CLIC5: variants seen among roughly 807,000 people sequenced by gnomAD.
The protein encoded by CLIC5 is CLIC family member 5.
A neutral mutation model predicts 24.7 loss-of-function variants in CLIC5; 20 were observed. The observed-to-expected ratio is 0.81, with a 90% CI of 0.57 to 1.18. The LOEUF is 1.18. Among genes scored for constraint, CLIC5 ranks in the 50% most tolerant of loss-of-function variants. CLIC5 has a pLI of 0.00. For missense variants in CLIC5, 341 were observed against 326.1 expected (o/e 1.05, Z -0.35); for synonymous variants, 159 against 135.6 (o/e 1.17, Z -1.20).
At chr6:45,954,683 G>A (rs1007177375) in intron 2 of CLIC5, among the ~76,000 whole-genome samples, 11 of 152,146 alleles carry the variant, frequency 7.2e-5, no homozygotes, top group African/African-American at 2.4e-4. Flanking sequence ...CTGTAATCTA[G>A]AACTGTCACA....
the CLIC5 span, among the ~76,000 whole-genome samples, chr6:46,126,916 T>C: frequency 1.2e-4 from 19 of 152,326 alleles, no homozygotes; most frequent in African/African-American, 4.3e-4. Context: ...AATAATTGTA[T>C]AGAGAGCTAT....
At chr6:45,959,314 A>C (rs999809962) in intron 1 of CLIC5, among the ~76,000 whole-genome samples, 20 of 152,248 alleles carry the variant, frequency 1.3e-4, no homozygotes, top group African/African-American at 4.8e-4. Flanking sequence ...GCTGAAAAAC[A>C]TTTAAATATT....
chr6:45,954,077 C>A (rs1470327096), intron 2 of CLIC5, among the ~76,000 whole-genome samples: 1 of 151,778 alleles, frequency 6.6e-6, no homozygotes, highest in Non-Finnish European at 1.5e-5. Context: ...AGTTCAAGAC[C>A]AGCCTGGCCA....
At chr6:46,047,716 C>T (rs750775729) in intron 1 of CLIC5, among the ~76,000 whole-genome samples, 41 of 152,126 alleles carry the variant, frequency 2.7e-4, no homozygotes, top group Non-Finnish European at 4.9e-4. Flanking sequence ...ACTATTAATA[C>T]TAAAAGTCAA....
At chr6:46,056,920 C>A (rs193071435) in intron 1 of CLIC5, among the ~76,000 whole-genome samples, 2 of 152,300 alleles carry the variant, frequency 1.3e-5, no homozygotes, top group East Asian at 3.9e-4. Flanking sequence ...TCCTCACCCC[C>A]CAAAAAGACC....
At chr6:46,127,882 G>A in the CLIC5 span, among the ~76,000 whole-genome samples, 1 of 152,174 alleles carries the variant, frequency 6.6e-6, no homozygotes, top group Non-Finnish European at 1.5e-5. Context: ...CAGTGGAAGT[G>A]AAAAATGAAT....
Position 45,898,595 on chromosome 6 carries a change from CT to C in CLIC5, c.*4492del, listed in dbSNP as rs1159551384. ...AAAAGGCATTTTACATTTATTAAGG[CT>C]TGAAAGCAAGTCCTGTTATTCATCA... On this transcript the variant is annotated 3_prime_UTR_variant, in exon 6 of 6. Coordinates refer to ENST00000339561, the MANE Select transcript of CLIC5 (RefSeq NM_016929.5). The C allele has an allele frequency of 1.3e-5, 2 of 152,570 alleles. No individual in the cohort carries two copies. The highest frequency in any genetic ancestry group is 3.9e-4 in the East Asian group (2 of 5,194). 9.5% of individuals were successfully genotyped at this position (152,570 alleles called of 1,614,324 possible).
intron 3 of CLIC5, among the ~76,000 whole-genome samples, chr6:45,944,549 CAAAAAA>C (rs773971605): frequency 1.3e-3 from 80 of 61,424 alleles, no homozygotes; most frequent in African/African-American, 4.9e-3. Context: ...GGCTTCTCAC[CAAAAAA>C]AAAAAAAAAA....
intron 1 of CLIC5, among the ~76,000 whole-genome samples, chr6:46,066,451 G>A (rs1039378195): frequency 6.6e-6 from 1 of 152,072 alleles, no homozygotes; most frequent in Admixed American, 6.6e-5. Context: ...ATAGCTGCAG[G>A]TACTCAAGGA....
chr6:45,899,216 C>A lies in CLIC5; in HGVS notation c.*3872G>T, dbSNP rs1762448342. ...CTGTTCGCTTAAGTTTTCCTAACAT[C>A]AGAATCAGGGTGCTTCACATGCACA... is the stretch of plus-strand genomic sequence containing the variant. On this transcript the variant is annotated 3_prime_UTR_variant, in exon 6 of 6. Transcript: ENST00000339561. The A allele has an allele frequency of 6.6e-6, 1 of 152,200 alleles. No individual in the cohort carries two copies. The highest frequency in any genetic ancestry group is 1.5e-5 in the Non-Finnish European group (1 of 68,054). 9.4% of individuals were successfully genotyped at this position (152,200 alleles called of 1,614,324 possible). A position where few individuals can be genotyped will look rare whatever the true frequency, so the allele number is the denominator to read the frequency against.
chr6:45,942,845 A>T (rs865849007), intron 3 of CLIC5, among the ~76,000 whole-genome samples: 2 of 152,244 alleles, frequency 1.3e-5, no homozygotes, highest in African/African-American at 2.4e-5. Context: ...TGTGAGGCAG[A>T]TAAGGAAGGC....
At chr6:45,987,613 T>C (rs553486446) in intron 1 of CLIC5, among the ~76,000 whole-genome samples, 9 of 152,344 alleles carry the variant, frequency 5.9e-5, no homozygotes, top group African/African-American at 2.2e-4. Context: ...TTCACAGTTC[T>C]GGAAGCTGGG....
chr6:45,884,752 G>A (rs574728957), intron 6 of CLIC5, among the ~76,000 whole-genome samples: 7 of 152,190 alleles, frequency 4.6e-5, no homozygotes, highest in South Asian at 4.2e-4. Context: ...TGTGGATACC[G>A]ATGCCCAATA....
chr6:46,028,025 C>G (rs1051545414), intron 1 of CLIC5, among the ~76,000 whole-genome samples: 2 of 152,156 alleles, frequency 1.3e-5, no homozygotes, highest in Non-Finnish European at 2.9e-5. Flanking sequence ...AATATAGACT[C>G]AGTCGTTTAT....
intron 4 of CLIC5, among the ~76,000 whole-genome samples, chr6:45,919,852 AG>A (rs1763184096): frequency 6.6e-6 from 1 of 152,170 alleles, no homozygotes; most frequent in Non-Finnish European, 1.5e-5. Flanking sequence ...ATGAATGCCT[AG>A]GGCAGATTAG....
At chr6:45,913,783 G>A (rs1464638451) in intron 5 of CLIC5, 4 of 1,231,498 alleles carry the variant, frequency 3.2e-6, no homozygotes, top group East Asian at 3.2e-5. Flanking sequence ...CTCACCTTAG[G>A]AAGTTGCTGG....
intron 1 of CLIC5, among the ~76,000 whole-genome samples, chr6:46,058,105 A>G (rs1768312401): frequency 6.6e-6 from 1 of 150,690 alleles, no homozygotes; most frequent in African/African-American, 2.4e-5. Context: ...GTTTGTCTGG[A>G]TATGTCTCTT....
chr6:45,985,501 G>C (rs1365793341), intron 1 of CLIC5, among the ~76,000 whole-genome samples: 1 of 152,132 alleles, frequency 6.6e-6, no homozygotes, highest in African/African-American at 2.4e-5. Context: ...CAACAGTGAA[G>C]TGACTCCTTT....
chr6:45,998,538 C>T (rs1561993700), intron 1 of CLIC5, among the ~76,000 whole-genome samples: 1 of 152,210 alleles, frequency 6.6e-6, no homozygotes, highest in Non-Finnish European at 1.5e-5. Flanking sequence ...CAACAAAGTC[C>T]TAAGCTTCAG....
Sources: allele counts gnomAD v4.1 joint callset (sites outside exome capture counted in the v4.1 genomes callset), GRCh38; gene constraint gnomAD v4.1.1; transcripts MANE v1.5; gene names NCBI Gene and HGNC (gene_info 2026-07-23, HGNC 2026-07-21).